Variants in AP3S1 observed in about 807,000 individuals in gnomAD.
The protein encoded by AP3S1 is adaptor related protein complex 3 subunit sigma 1.
AP3S1 carries 12 observed loss-of-function variants against 21.3 expected under a neutral mutation model. The observed-to-expected ratio is 0.56, with a 90% CI of 0.36 to 0.91. The LOEUF is 0.91. AP3S1 is among the 40% of genes least tolerant of loss of function. The probability of loss-of-function intolerance (pLI) is 0.01; values close to 1 mark genes in which losing one functional copy is unlikely to be tolerated. For synonymous variants in AP3S1, 48 were observed against 78.4 expected (o/e 0.61, Z 2.05); for missense variants, 116 against 225.0 (o/e 0.52, Z 3.10).
At chr5:115,845,541 A>C (rs1761991590) in intron 1 of AP3S1, among the ~76,000 whole-genome samples, 1 of 152,106 alleles carries the variant, frequency 6.6e-6, no homozygotes, top group Non-Finnish European at 1.5e-5. Flanking sequence ...GACATTACGA[A>C]TTCAAGTGTG....
chr5:115,858,204 C>G (rs1466099841), intron 1 of AP3S1, among the ~76,000 whole-genome samples: 1 of 152,134 alleles, frequency 6.6e-6, no homozygotes, highest in South Asian at 2.1e-4. Context: ...TACCCTCCAG[C>G]AATTTCTTGA....
intron 3 of AP3S1, among the ~76,000 whole-genome samples, chr5:115,891,290 G>A (rs1382912944): frequency 6.6e-6 from 1 of 152,114 alleles, no homozygotes; most frequent in East Asian, 1.9e-4. Context: ...TCTGACACCA[G>A]ATATTTGGGA....
intron 1 of AP3S1, among the ~76,000 whole-genome samples, chr5:115,860,956 C>T (rs1763131313): frequency 6.6e-6 from 1 of 152,164 alleles, no homozygotes; most frequent in African/African-American, 2.4e-5. Context: ...GTTGTGGATC[C>T]TGTCTTCTAG....
chr5:115,898,899 T>C (rs1053925228), intron 4 of AP3S1: 12 of 152,272 alleles, frequency 7.9e-5, no homozygotes, highest in African/African-American at 2.9e-4. Context: ...CTGAGTTATC[T>C]GCCCATTTCC....
intron 5 of AP3S1, chr5:115,906,750 T>A: frequency 4.1e-6 from 5 of 1,223,344 alleles, no homozygotes; most frequent in Non-Finnish European, 5.5e-6. Context: ...TCACTACTTT[T>A]TGAAAGTCAG....
chr5:115,859,862 G>C (rs1231404023), intron 1 of AP3S1, among the ~76,000 whole-genome samples: 2 of 152,182 alleles, frequency 1.3e-5, no homozygotes, highest in Non-Finnish European at 2.9e-5. Context: ...ACAGGATCTG[G>C]TGGTATCTGT....
At chr5:115,859,573 C>T (rs1256075812) in intron 1 of AP3S1, among the ~76,000 whole-genome samples, 1 of 152,208 alleles carries the variant, frequency 6.6e-6, no homozygotes, top group African/African-American at 2.4e-5. Flanking sequence ...ACCCAGTAGG[C>T]TTTCATGCCA....
At chr5:115,849,905 C>A (rs1034217781) in intron 1 of AP3S1, among the ~76,000 whole-genome samples, 2 of 151,366 alleles carry the variant, frequency 1.3e-5, no homozygotes, top group African/African-American at 4.9e-5. Context: ...AAAAAAAAAA[C>A]AAAAACAAAG....
chr5:115,854,207 C>T (rs559762300), intron 1 of AP3S1, among the ~76,000 whole-genome samples: 89 of 152,190 alleles, frequency 5.8e-4, no homozygotes, highest in African/African-American at 2.1e-3. Context: ...AAAGGTCTTA[C>T]GTTTTAACAC....
chr5:115,847,356 G>T (rs1302697938), intron 1 of AP3S1, among the ~76,000 whole-genome samples: 2 of 152,230 alleles, frequency 1.3e-5, no homozygotes, highest in Non-Finnish European at 2.9e-5. Context: ...AGTGGCTCAT[G>T]CCTGTAATCC....
chr5:115,891,026 G>A (rs1750256281), intron 3 of AP3S1, among the ~76,000 whole-genome samples: 1 of 152,142 alleles, frequency 6.6e-6, no homozygotes, highest in South Asian at 2.1e-4. Flanking sequence ...CTCATAACAG[G>A]AGTCTGTTGT....
intron 1 of AP3S1, among the ~76,000 whole-genome samples, chr5:115,845,731 G>A (rs781269144): frequency 1.1e-4 from 16 of 150,630 alleles, no homozygotes; most frequent in Non-Finnish European, 1.9e-4. Flanking sequence ...CTACTCGCTC[G>A]AGGCTGAGAT....
chr5:115,903,654 A>G (rs924691814), intron 5 of AP3S1: 5 of 152,264 alleles, frequency 3.3e-5, no homozygotes, highest in African/African-American at 1.2e-4. Context: ...GTTAGATTCA[A>G]CCTTAGATGG....
chr5:115,858,507 T>C (rs1375889193), intron 1 of AP3S1, among the ~76,000 whole-genome samples: 1 of 152,140 alleles, frequency 6.6e-6, no homozygotes, highest in Non-Finnish European at 1.5e-5. Flanking sequence ...CTGTTTTCAT[T>C]AGTTGTGCTG....
intron 5 of AP3S1, among the ~76,000 whole-genome samples, chr5:115,908,037 A>G (rs1194040793): frequency 3.3e-5 from 5 of 152,146 alleles, no homozygotes; most frequent in Admixed American, 1.3e-4. Context: ...ATCACAAAGC[A>G]TTGCCTTTTA....
rs986861897 is a variant in AP3S1 at position 115,862,342 on chromosome 5, T to C, written c.70-4328T>C. 5.9e-5 allele frequency among the ~76,000 whole-genome samples: 9 copies of C among 152,288 alleles called. No homozygotes were observed. In the South Asian group the frequency reaches 6.2e-4, roughly 11 times the overall value. On this transcript the variant is annotated intron_variant, in intron 1 of 5. Transcript: ENST00000316788. The stretch of plus-strand genomic sequence containing the variant: ...AAATATAAAAAAAAATTAAAAACTT[T>C]GGAGATATGTTATCAATGCATAAAA...
chr5:115,901,718 C>G (rs1010309951), intron 4 of AP3S1, among the ~76,000 whole-genome samples: 1 of 151,968 alleles, frequency 6.6e-6, no homozygotes, highest in Non-Finnish European at 1.5e-5. Flanking sequence ...CTATGCCTGG[C>G]TAATTGTCTG....
At chr5:115,908,959 G>A (rs1227742460) in intron 5 of AP3S1, 1 of 981,490 alleles carries the variant, frequency 1.0e-6, no homozygotes, top group African/African-American at 1.8e-5. Context: ...TAATGTTGGT[G>A]TTCTTTCACT....
intron 5 of AP3S1, chr5:115,904,175 T>C (rs954057328): frequency 2.0e-5 from 3 of 152,176 alleles, no homozygotes; most frequent in Non-Finnish European, 4.4e-5. Context: ...ATAACTCAGA[T>C]TGGAAAAAAC....
Sources: allele counts gnomAD v4.1 joint callset (sites outside exome capture counted in the v4.1 genomes callset), GRCh38; gene constraint gnomAD v4.1.1; transcripts MANE v1.5; gene names NCBI Gene and HGNC (gene_info 2026-07-23, HGNC 2026-07-21).